The following CDH12 variants were observed in gnomAD, a reference collection of about 807,000 sequenced individuals.
The protein encoded by CDH12 is cadherin-12.
In CDH12, 41 loss-of-function variants were observed where a neutral mutation model predicts 74.1. The ratio of observed to expected loss-of-function variants is 0.55; its 90% confidence interval spans 0.43 to 0.72. The LOEUF (loss-of-function observed/expected upper bound fraction) is 0.72, where lower values mean the gene tolerates loss of function less well. CDH12 is among the 30% of genes least tolerant of loss of function. The pLI is 0.00. For missense variants in CDH12, 945 were observed against 977.2 expected, an observed-to-expected ratio of 0.97 and a Z score of 0.44; for synonymous variants, 399 against 355.0, an observed-to-expected ratio of 1.12 and a Z score of -1.39.
intron 3 of CDH12, among the ~76,000 whole-genome samples, chr5:22,367,212 C>T (rs1391469471): frequency 1.3e-5 from 2 of 152,074 alleles, no homozygotes; most frequent in African/African-American, 4.8e-5. Flanking sequence ...CACCACTTTG[C>T]TCCAGATACC....
chr5:22,637,973 C>T (rs1422897403), intron 1 of CDH12, among the ~76,000 whole-genome samples: 1 of 152,100 alleles, frequency 6.6e-6, no homozygotes, highest in Non-Finnish European at 1.5e-5. Flanking sequence ...CAAGAATGAA[C>T]CAAAATATAG....
At chr5:22,556,491 A>G (rs1561488469) in intron 1 of CDH12, among the ~76,000 whole-genome samples, 1 of 152,124 alleles carries the variant, frequency 6.6e-6, no homozygotes, top group Non-Finnish European at 1.5e-5. Context: ...TGCATTGTAT[A>G]TATCCAGAAA....
chr5:22,281,252 A>C (rs536171318), intron 3 of CDH12, among the ~76,000 whole-genome samples: 19 of 152,242 alleles, frequency 1.2e-4, no homozygotes, highest in African/African-American at 4.6e-4. Context: ...TTTATGACAA[A>C]CCCACAGCCA....
intron 5 of CDH12, among the ~76,000 whole-genome samples, chr5:22,068,289 T>A (rs1330853827): frequency 6.6e-6 from 1 of 152,190 alleles, no homozygotes; most frequent in Non-Finnish European, 1.5e-5. Flanking sequence ...TCCAAGCCTG[T>A]ACCTATGGCC....
At chr5:21,823,804 C>T (rs558259395) in intron 8 of CDH12, among the ~76,000 whole-genome samples, 18 of 152,194 alleles carry the variant, frequency 1.2e-4, no homozygotes, top group Admixed American at 7.2e-4. Flanking sequence ...TCAGCTTCCC[C>T]AACCTTCAAA....
At chr5:22,674,039 A>G (rs1291668486) in intron 1 of CDH12, among the ~76,000 whole-genome samples, 1 of 152,200 alleles carries the variant, frequency 6.6e-6, no homozygotes, top group Non-Finnish European at 1.5e-5. Flanking sequence ...ATAACAGAAC[A>G]ATTCTGTGTG....
At chr5:22,175,163 A>G (rs1749258963) in intron 4 of CDH12, among the ~76,000 whole-genome samples, 2 of 152,096 alleles carry the variant, frequency 1.3e-5, no homozygotes, top group South Asian at 4.1e-4. Flanking sequence ...TGTCTCATAA[A>G]TAAATTTAGT....
chr5:22,038,323 C>A (rs894799995), intron 5 of CDH12, among the ~76,000 whole-genome samples: 6 of 152,114 alleles, frequency 3.9e-5, no homozygotes, highest in Admixed American at 2.0e-4. Flanking sequence ...TGGAGCCACC[C>A]CACTCCCAGT....
chr5:21,874,763 G>A (rs1312630280), intron 6 of CDH12, among the ~76,000 whole-genome samples: 11 of 152,146 alleles, frequency 7.2e-5, no homozygotes, highest in African/African-American at 1.2e-4. Context: ...GGTGTCCGCC[G>A]CACTTCTGAT....
At chr5:22,298,726 C>CT (rs1255763341) in intron 3 of CDH12, among the ~76,000 whole-genome samples, 1 of 152,048 alleles carries the variant, frequency 6.6e-6, no homozygotes, top group Non-Finnish European at 1.5e-5. Context: ...AAGATACTTG[C>CT]TATGGAATGA....
chr5:21,822,155 T>C (rs929698961), intron 8 of CDH12, among the ~76,000 whole-genome samples: 7 of 151,948 alleles, frequency 4.6e-5, no homozygotes, highest in African/African-American at 1.7e-4. Flanking sequence ...AGATTTGTTT[T>C]TGAAAGTCAC....
intron 1 of CDH12, among the ~76,000 whole-genome samples, chr5:22,572,858 T>C (rs2126768494): frequency 6.6e-6 from 1 of 152,324 alleles, no homozygotes; most frequent in Non-Finnish European, 1.5e-5. Flanking sequence ...GTTGCCCTCA[T>C]TCATCTCTCA....
intron 5 of CDH12, among the ~76,000 whole-genome samples, chr5:22,040,596 G>T (rs1301528609): frequency 2.6e-5 from 4 of 152,290 alleles, no homozygotes; most frequent in South Asian, 2.1e-4. Flanking sequence ...ATTAACATTA[G>T]ACTATTAGTA....
At chr5:22,819,843 CCA>C (rs1311826023) in intron 1 of CDH12, among the ~76,000 whole-genome samples, 1 of 148,944 alleles carries the variant, frequency 6.7e-6, no homozygotes, top group African/African-American at 2.5e-5. Flanking sequence ...ATATTTATAT[CCA>C]GATAGAAGAT....
intron 6 of CDH12, among the ~76,000 whole-genome samples, chr5:21,881,860 GTTC>G (rs888429430): frequency 7.3e-5 from 11 of 151,710 alleles, no homozygotes; most frequent in African/African-American, 2.7e-4. Context: ...TTTTTCTTTT[GTTC>G]TTATTAATAT....
In CDH12 at chr5:22,220,765, A is replaced by G. The variant is rs771117771; in HGVS notation, c.-332-8122T>C. Among the ~76,000 whole-genome samples the G allele has an allele frequency of 1.4e-4, 22 of 151,920 alleles. No individual in the cohort carries two copies. In the Middle Eastern group the frequency reaches 0.02, roughly 141 times the overall value. On this transcript the variant is annotated intron_variant, in intron 3 of 14. Transcript: ENST00000382254. Reference sequence around the variant, plus strand: ...ATACCTGACTTCATTCAAGGTGCATACTGATTCTCTCACAGATGAATTTCA... The same window carrying G: ...ATACCTGACTTCATTCAAGGTGCATGCTGATTCTCTCACAGATGAATTTCA...
intron 2 of CDH12, among the ~76,000 whole-genome samples, chr5:22,416,210 G>A (rs1000458381): frequency 1.0e-4 from 15 of 150,640 alleles, no homozygotes; most frequent in East Asian, 2.0e-4. Flanking sequence ...GAGTAGCTGG[G>A]ACTACAGGCG....
chr5:22,637,853 T>G (rs1326718103), intron 1 of CDH12, among the ~76,000 whole-genome samples: 1 of 152,216 alleles, frequency 6.6e-6, no homozygotes, highest in Non-Finnish European at 1.5e-5. Context: ...ATAGTAGAGA[T>G]TCTGTATAGT....
intron 3 of CDH12, among the ~76,000 whole-genome samples, chr5:22,403,122 G>A (rs568118069): frequency 6.6e-6 from 1 of 152,302 alleles, no homozygotes; most frequent in South Asian, 2.1e-4. Flanking sequence ...GGCATGGACT[G>A]CATTCTCCCA....
Sources: allele counts gnomAD v4.1 joint callset (sites outside exome capture counted in the v4.1 genomes callset), GRCh38; gene constraint gnomAD v4.1.1; transcripts MANE v1.5; gene names NCBI Gene and HGNC (gene_info 2026-07-23, HGNC 2026-07-21).